DDX50: variants seen among roughly 807,000 people sequenced by gnomAD.
DDX50 encodes the protein DExD-box helicase 50, also known as ATP-dependent RNA helicase DDX50.
DDX50 carries 56 observed loss-of-function variants against 94.8 expected under a neutral mutation model. That is an observed-to-expected ratio of 0.59 (90% confidence interval 0.48 to 0.74). The LOEUF is 0.74. Ranked by LOEUF, DDX50 falls within the 30% of genes least tolerant of loss-of-function variation. DDX50 has a pLI of 0.00. For synonymous variants in DDX50, 264 were observed against 295.4 expected (o/e 0.89, Z 1.09); for missense variants, 713 against 881.2 (o/e 0.81, Z 2.42).
intron 4 of DDX50, among the ~76,000 whole-genome samples, chr10:68,912,454 T>G (rs1841654642): frequency 6.6e-6 from 1 of 152,208 alleles, no homozygotes; most frequent in Non-Finnish European, 1.5e-5. Context: ...CCTCAAGTGA[T>G]CCTTCCACCT....
Position 68,946,830 on chromosome 10 carries a change from TTTTA to T in DDX50, c.*203_*206del. On this transcript the variant is annotated 3_prime_UTR_variant, in exon 15 of 15. Coordinates refer to ENST00000373585, the MANE Select transcript of DDX50 (RefSeq NM_024045.2). Reference sequence around the variant, plus strand: ...TATACCTTTGAATAAAAAAACCTCCTTTTATTGTCTCTTTTCACTTATGTGTTAA... The same window carrying T: ...TATACCTTTGAATAAAAAAACCTCCTTTGTCTCTTTTCACTTATGTGTTAA... The T allele has an allele frequency of 1.5e-6, 1 of 645,652 alleles. No homozygotes were observed. The highest frequency in any genetic ancestry group is 2.5e-6 in the Non-Finnish European group (1 of 396,152). The allele number at this position is 645,652 out of a possible 1,614,324, so 40.0% of individuals were successfully genotyped here. A position where few individuals can be genotyped will look rare whatever the true frequency, so the allele number is the denominator to read the frequency against.
intron 7 of DDX50, among the ~76,000 whole-genome samples, chr10:68,917,179 G>A (rs1482491837): frequency 6.6e-6 from 1 of 151,402 alleles, no homozygotes; most frequent in African/African-American, 2.4e-5. Flanking sequence ...TCATTTGTTG[G>A]CCAGGCGCAG....
intron 8 of DDX50, among the ~76,000 whole-genome samples, chr10:68,928,293 G>C (rs932022553): frequency 2.6e-5 from 4 of 152,044 alleles, no homozygotes; most frequent in Non-Finnish European, 4.4e-5. Flanking sequence ...TCCACCCTGG[G>C]CGACCGAGTG....
At chr10:68,926,014 C>CAA (rs138926781) in intron 8 of DDX50, among the ~76,000 whole-genome samples, 123 of 118,184 alleles carry the variant, frequency 1.0e-3, no homozygotes, top group African/African-American at 2.0e-3. Context: ...ACTCTGTCTC[C>CAA]AAAAAAAAAA....
chr10:68,938,571 A>G (rs1842479271), intron 12 of DDX50, among the ~76,000 whole-genome samples: 1 of 152,216 alleles, frequency 6.6e-6, no homozygotes, highest in Non-Finnish European at 1.5e-5. Context: ...TGGGCAGCAC[A>G]TCCCTGTGAT....
Position 68,906,998 on chromosome 10 carries a change from A to C in DDX50, c.375A>C (p.Lys125Asn). The change falls in exon 2 of 15, where the codon AAA becomes AAC. Residue 125 changes from lysine (K) to asparagine (N), a missense_variant. Transcript: ENST00000373585. ...DTSTHKSSDN[K>N]LEETLTREQK... ...CTACTCATAAATCAAGTGATAATAA[A>C]CTAGAGGAGGTATGGAAGCTTTTTA... 6.3e-7 allele frequency: 1 copy of C among 1,577,664 alleles called. No homozygotes were observed. The highest frequency in any genetic ancestry group is 8.5e-7 in the Non-Finnish European group (1 of 1,171,516).
chr10:68,913,995 T>G, intron 6 of DDX50, 64 bp from the exon 7 acceptor site: 1 of 1,413,532 alleles, frequency 7.1e-7, no homozygotes, highest in Non-Finnish European at 9.4e-7. Context: ...TTGGGAGGAT[T>G]TTTAAGAGCG....
intron 1 of DDX50, among the ~76,000 whole-genome samples, chr10:68,903,505 A>G (rs1429998056): frequency 1.3e-5 from 2 of 151,390 alleles, no homozygotes; most frequent in Non-Finnish European, 2.9e-5. Flanking sequence ...ATCTCTACTA[A>G]AAATACCAAA....
intron 3 of DDX50, among the ~76,000 whole-genome samples, chr10:68,910,817 C>G (rs17555825): frequency 0.12 from 17,939 of 152,118 alleles, 1,343 homozygotes; most frequent in Admixed American, 0.18. Flanking sequence ...AGTAGCTCTT[C>G]TTTAATTGCA....
intron 1 of DDX50, among the ~76,000 whole-genome samples, chr10:68,904,172 G>A (rs1255370530): frequency 2.0e-5 from 3 of 151,610 alleles, no homozygotes; most frequent in Non-Finnish European, 4.4e-5. Flanking sequence ...TTAGCCAGCC[G>A]TTGTAGCTCG....
At chr10:68,941,337 A>T in intron 13 of DDX50, 143 bp downstream of exon 13, 1 of 1,137,304 alleles carries the variant, frequency 8.8e-7, no homozygotes, top group Non-Finnish European at 1.2e-6. Flanking sequence ...TCCAGTTATA[A>T]ATTTGGGGCA....
At chr10:68,933,131 C>G (rs1005160036) in intron 8 of DDX50, among the ~76,000 whole-genome samples, 1 of 151,194 alleles carries the variant, frequency 6.6e-6, no homozygotes, top group African/African-American at 2.4e-5. Flanking sequence ...TGCAATGGCA[C>G]GATCTCAGCT....
At chr10:68,938,480 T>G (rs763426047) in intron 12 of DDX50, among the ~76,000 whole-genome samples, 2 of 152,144 alleles carry the variant, frequency 1.3e-5, no homozygotes, top group Non-Finnish European at 2.9e-5. Context: ...AGAGAGTGAG[T>G]GAGCGAACCT....
At chr10:68,910,446 A>G (rs1273832778) in intron 3 of DDX50, 64 bp downstream of exon 3, 3 of 1,389,992 alleles carry the variant, frequency 2.2e-6, no homozygotes, top group East Asian at 4.9e-5. Context: ...TCTGTTGCCC[A>G]GGCTGGAGTG....
intron 1 of DDX50, among the ~76,000 whole-genome samples, chr10:68,905,209 G>T (rs180918045): frequency 1.3e-5 from 2 of 152,038 alleles, no homozygotes; most frequent in African/African-American, 4.8e-5. Flanking sequence ...GAACCACCAC[G>T]GCTAGCCACC....
chr10:68,941,724 A>T (rs112508938), intron 13 of DDX50, among the ~76,000 whole-genome samples: 1 of 151,800 alleles, frequency 6.6e-6, no homozygotes, highest in African/African-American at 2.4e-5. Context: ...ACTGCAACCT[A>T]TGCCTCCTGG....
At chr10:68,906,143 G>T (rs1284914199) in intron 1 of DDX50, 1 of 152,498 alleles carries the variant, frequency 6.6e-6, no homozygotes, top group Non-Finnish European at 1.5e-5. Context: ...CCTCACGTTA[G>T]TTCAAGTTAA....
intron 7 of DDX50, among the ~76,000 whole-genome samples, chr10:68,917,565 C>T (rs1441666183): frequency 6.6e-6 from 1 of 152,108 alleles, no homozygotes; most frequent in Non-Finnish European, 1.5e-5. Context: ...CTGTTAACAC[C>T]ACTCAAAGAT....
chr10:68,902,216 A>G (rs1330435565), intron 1 of DDX50, among the ~76,000 whole-genome samples: 1 of 151,216 alleles, frequency 6.6e-6, no homozygotes, highest in African/African-American at 2.4e-5. Context: ...AAAAAAGGAA[A>G]AGAAAAAACA....
Sources: allele counts gnomAD v4.1 joint callset (sites outside exome capture counted in the v4.1 genomes callset), GRCh38; gene constraint gnomAD v4.1.1; transcripts MANE v1.5; gene names NCBI Gene and HGNC (gene_info 2026-07-23, HGNC 2026-07-21).